The following PRR5 variants were observed in gnomAD, a reference collection of about 807,000 sequenced individuals.
PRR5 encodes the protein proline rich 5, also known as proline-rich protein 5.
Under a neutral mutation model 30.6 loss-of-function variants are expected in PRR5, and 25 were observed. The ratio of observed to expected loss-of-function variants is 0.82; its 90% CI spans 0.60 to 1.14. The LOEUF (loss-of-function observed/expected upper bound fraction) is 1.14. Among genes scored for constraint, PRR5 ranks in the 50% most tolerant of loss-of-function variants. The pLI is 0.00. For missense variants in PRR5, 600 were observed against 547.1 expected (o/e 1.10, Z -0.96); for synonymous variants, 286 against 247.1 (o/e 1.16, Z -1.48).
rs200332751 is a variant in PRR5, at chr22:44,736,977, C to T, written c.897C>T (p.Pro299=). The change falls in exon 8 of 8, where the codon CCC becomes CCT. Residue 299 remains proline, a synonymous_variant. Coordinates refer to ENST00000336985, the MANE Select transcript of PRR5 (RefSeq NM_181333.4). ...AGCCTCAGGGCTTCTCCGACCCGCCCGGCCAGGGCCCCACCGGGACCTTCA... is the reference window on the plus strand; with the variant it reads ...AGCCTCAGGGCTTCTCCGACCCGCCTGGCCAGGGCCCCACCGGGACCTTCA... ...CPEPQGFSDP[P]GQGPTGTFRS... is the part of the protein sequence containing the mutation. 4.6e-5 allele frequency: 74 copies of T among 1,600,624 alleles called. No homozygotes were observed. The highest frequency in any genetic ancestry group is 3.0e-4 in the Admixed American group (18 of 59,642).
chr22:44,691,438 A>C lies in PRR5; in HGVS notation c.-10-11054A>C, dbSNP rs1031107679. Among the ~76,000 whole-genome samples the C allele has an allele frequency of 2.0e-5, 3 of 152,120 alleles. No homozygotes were observed. The highest frequency in any genetic ancestry group is 4.8e-5 in the African/African-American group (2 of 41,428). On this transcript the variant is annotated intron_variant, in intron 1 of 8. Transcript: ENST00000006251. The surrounding 1 kb of genome is among the most constrained non-coding windows in gnomAD (Gnocchi z 4.4). ...GCGGTGGGGACCCTGCCCTAGACTC[A>C]GTGCCCCTGGCACGCCTGGAGCTGA...
chr22:44,681,729 C>T (rs573852554), intron 1 of PRR5, among the ~76,000 whole-genome samples: 1 of 152,292 alleles, frequency 6.6e-6, no homozygotes, highest in African/African-American at 2.4e-5. Flanking sequence ...GACCAGGGGC[C>T]CTGCTGGGAA....
At chr22:44,686,494 G>A (rs1399634272) in intron 1 of PRR5, among the ~76,000 whole-genome samples, 2 of 150,760 alleles carry the variant, frequency 1.3e-5, no homozygotes, top group South Asian at 2.1e-4. Context: ...GTGCCACCAC[G>A]CCTGGCTAAT....
intron 2 of PRR5, among the ~76,000 whole-genome samples, chr22:44,720,940 T>G (rs1298144890): frequency 1.3e-5 from 2 of 152,200 alleles, no homozygotes; most frequent in African/African-American, 4.8e-5. Flanking sequence ...CTCCGGGATT[T>G]CCAGCCATTG....
At chr22:44,731,908 T>G in intron 5 of PRR5, 87 bp downstream of exon 5, 6 of 1,361,138 alleles carry the variant, frequency 4.4e-6, no homozygotes, top group Non-Finnish European at 5.0e-6. Context: ...CCGCCAGGCT[T>G]GGGGACACAC....
intron 4 of PRR5, chr22:44,730,103 G>A: frequency 2.0e-6 from 2 of 985,378 alleles, no homozygotes; most frequent in Non-Finnish European, 2.4e-6. Flanking sequence ...CCCCAGGGCT[G>A]CCCCTGGCGG....
chr22:44,728,008 G>T (rs1395389394), intron 4 of PRR5, among the ~76,000 whole-genome samples: 1 of 152,254 alleles, frequency 6.6e-6, no homozygotes, highest in Non-Finnish European at 1.5e-5. Context: ...CATTCTGGCG[G>T]TGCCTGTACC....
At chr22:44,678,571 C>G (rs2146936770) in intron 1 of PRR5, among the ~76,000 whole-genome samples, 1 of 152,094 alleles carries the variant, frequency 6.6e-6, no homozygotes, top group East Asian at 1.9e-4. Flanking sequence ...CGCCTCTGCC[C>G]CCCAAAGTGC....
At chr22:44,675,762 GTTATTA>G (rs150864660), upstream of PRR5, among the ~76,000 whole-genome samples, 161 of 142,960 alleles carry the variant, frequency 1.1e-3, 1 homozygote, top group South Asian at 3.0e-3. Flanking sequence ...TGTTGCTGTT[GTTATTA>G]TTATTATTAT....
At position 44,714,563 on chromosome 22, in the gene PRR5, T is replaced by C. The variant is rs200003113; in HGVS notation, c.135-28T>C. ...CCAGGGGGCTCTCAGACCTCAGGAC[T>C]GCAGTGTTTTCTTCCCTCTGCCCCC... On this transcript the variant is annotated intron_variant, in intron 1 of 7. Coordinates refer to ENST00000336985, the MANE Select transcript of PRR5 (RefSeq NM_181333.4). 6.2e-6 allele frequency: 10 copies of C among 1,611,058 alleles called. No homozygotes were observed. The Admixed American group carries it at 1.7e-4, about 27-fold the overall frequency.
intron 1 of PRR5, among the ~76,000 whole-genome samples, chr22:44,705,417 G>C: frequency 6.6e-6 from 1 of 151,950 alleles, no homozygotes; most frequent in East Asian, 1.9e-4. Context: ...TCTGCCTCCT[G>C]GGTTCAAGCA....
upstream of PRR5, among the ~76,000 whole-genome samples, chr22:44,698,063 C>G (rs1045327549): frequency 6.6e-6 from 1 of 151,838 alleles, no homozygotes; most frequent in Non-Finnish European, 1.5e-5. Context: ...CTGTTCCTGT[C>G]CCCTGGGTGT....
In PRR5 at chr22:44,735,098, G is replaced by C; in HGVS notation, c.627G>C (p.Ser209=). The change falls in exon 7 of 8, where the codon TCG becomes TCC. Residue 209 remains serine, a synonymous_variant. Transcript: ENST00000336985. ...AGACGCTGGTCCAGAAGGTGGTGTC[G>C]CCATACCTGGGCACCTACGGCCTCC... The part of the protein sequence containing the change: ...RLETLVQKVV[S]PYLGTYGLHS... The C allele has an allele frequency of 6.2e-7, 1 of 1,612,432 alleles. No homozygotes were observed. Among genetic ancestry groups the C allele is most frequent in the South Asian group, 1.1e-5 (1 of 91,054 alleles).
At chr22:44,698,630 C>G (rs896690657), upstream of PRR5, among the ~76,000 whole-genome samples, 3 of 152,178 alleles carry the variant, frequency 2.0e-5, no homozygotes, top group Non-Finnish European at 4.4e-5. Context: ...AGGCCTTGTG[C>G]CTGCTGGCAG....
intron 4 of PRR5, chr22:44,730,625 G>A (rs953491357): frequency 5.0e-6 from 5 of 1,009,714 alleles, no homozygotes; most frequent in Non-Finnish European, 5.9e-6. Flanking sequence ...CACCTGTCAA[G>A]ATGTGTCCCC....
intron 1 of PRR5, chr22:44,679,755 G>A (rs1431713664): frequency 6.7e-7 from 1 of 1,501,892 alleles, no homozygotes; most frequent in South Asian, 1.2e-5. Context: ...CCCCGCTCTG[G>A]GACACTCAGT....
At chr22:44,720,197 C>T (rs1338290599) in intron 2 of PRR5, among the ~76,000 whole-genome samples, 3 of 152,368 alleles carry the variant, frequency 2.0e-5, no homozygotes, top group East Asian at 3.9e-4. Context: ...GCCAGGTGGC[C>T]GTGCCCGCAG....
chr22:44,706,047 G>C (rs999009810), intron 1 of PRR5, among the ~76,000 whole-genome samples: 5 of 152,110 alleles, frequency 3.3e-5, no homozygotes, highest in Admixed American at 3.3e-4. Context: ...TGATCCGCCT[G>C]CCTCAGCCTC....
chr22:44,721,268 G>A (rs1929894582), intron 2 of PRR5, among the ~76,000 whole-genome samples: 1 of 152,314 alleles, frequency 6.6e-6, no homozygotes. Flanking sequence ...TCAAGGGCCA[G>A]GTTACAGAAT....
Sources: gnomAD v4.1 joint callset for allele counts (sites outside exome capture counted in the v4.1 genomes callset) on GRCh38, gnomAD v4.1.1 for gene constraint, Gnocchi (gnomAD v3.1) non-coding constraint, MANE v1.5 for transcripts, NCBI Gene and HGNC (gene_info 2026-07-23, HGNC 2026-07-21) for gene names.